TSPAN9: variants seen among roughly 807,000 people sequenced by gnomAD.
TSPAN9 encodes tetraspanin 9.
TSPAN9 carries 16 observed loss-of-function variants against 31.0 expected under a neutral mutation model. The observed-to-expected ratio is 0.52, with a 90% CI of 0.35 to 0.78. The LOEUF (loss-of-function observed/expected upper bound fraction) is 0.78, where lower values mean the gene tolerates loss of function less well. TSPAN9 is among the 30% of genes least tolerant of loss of function. TSPAN9 has a pLI of 0.01. For synonymous variants in TSPAN9, 145 were observed against 121.6 expected (o/e 1.19, Z -1.27); for missense variants, 272 against 312.5 (o/e 0.87, Z 0.98).
intron 3 of TSPAN9, among the ~76,000 whole-genome samples, chr12:3,277,135 C>G (rs1321914724): frequency 6.6e-6 from 1 of 152,210 alleles, no homozygotes. Context: ...ATTCTCACAG[C>G]AGTCCAATAG....
chr12:3,223,837 G>C (rs932330517), intron 3 of TSPAN9, among the ~76,000 whole-genome samples: 1 of 152,192 alleles, frequency 6.6e-6, no homozygotes, highest in Non-Finnish European at 1.5e-5. Context: ...GCCAGGCGTC[G>C]GGATGGCATC....
intron 2 of TSPAN9, among the ~76,000 whole-genome samples, chr12:3,178,448 G>A (rs754872839): frequency 1.3e-5 from 2 of 152,020 alleles, no homozygotes; most frequent in Admixed American, 1.3e-4. Flanking sequence ...GCACTACCAC[G>A]CCTGGCTAAC....
intron 2 of TSPAN9, among the ~76,000 whole-genome samples, chr12:3,163,364 A>G (rs1020812324): frequency 8.5e-5 from 13 of 152,092 alleles, no homozygotes; most frequent in African/African-American, 3.1e-4. Context: ...GGCACTTTCC[A>G]CACTCTACCC....
intron 3 of TSPAN9, among the ~76,000 whole-genome samples, chr12:3,269,786 G>A (rs1332211397): frequency 6.6e-6 from 1 of 152,140 alleles, no homozygotes; most frequent in Non-Finnish European, 1.5e-5. Context: ...GCCCTTTTTC[G>A]CTGCACCCAC....
chr12:3,106,896 A>G (rs935591994), intron 2 of TSPAN9, among the ~76,000 whole-genome samples: 34 of 152,122 alleles, frequency 2.2e-4, no homozygotes, highest in Admixed American at 2.2e-3. Flanking sequence ...TTGAATATGT[A>G]CCATCAGCAA....
In TSPAN9 at chr12:3,188,252, A is replaced by ATTCT. The variant is rs756438009; in HGVS notation, c.-17-12922_-17-12921insTTTC. ...CTCACATTCATTCATTCATTCATTCATTCAAGACATGTGTCCTGCACTCAG... is the reference window on the plus strand; with the variant it reads ...CTCACATTCATTCATTCATTCATTCATTCTTTCAAGACATGTGTCCTGCACTCAG... On this transcript the variant is annotated intron_variant, in intron 2 of 8. Coordinates refer to ENST00000011898, the MANE Select transcript of TSPAN9 (RefSeq NM_006675.5). Among the ~76,000 whole-genome samples the ATTCT allele has an allele frequency of 3.9e-4, 59 of 151,926 alleles. No homozygotes were observed. The East Asian group carries it at 7.9e-3, about 20-fold the overall frequency.
rs1477236462 is a variant in TSPAN9, at chr12:3,107,950, T to A, written c.-18+24231T>A. 6.6e-6 allele frequency among the ~76,000 whole-genome samples: 1 copy of A among 152,164 alleles called. No individual in the cohort carries two copies. Among genetic ancestry groups the A allele is most frequent in the Non-Finnish European group, 1.5e-5 (1 of 68,038 alleles). On this transcript the variant is annotated intron_variant, in intron 2 of 8. Transcript: ENST00000011898. The surrounding 1 kb of genome is among the most constrained non-coding windows in gnomAD (Gnocchi z 4.1). Reference sequence around the variant, plus strand: ...CTATTTATACTTTCAACTCTATTCCTAAACCCAGTAAGAAACTCCCCAAAA... The same window carrying A: ...CTATTTATACTTTCAACTCTATTCCAAAACCCAGTAAGAAACTCCCCAAAA...
At chr12:3,235,604 G>A (rs1219492634) in intron 3 of TSPAN9, among the ~76,000 whole-genome samples, 2 of 152,150 alleles carry the variant, frequency 1.3e-5, no homozygotes, top group South Asian at 2.1e-4. Flanking sequence ...TGACGAATGC[G>A]TGTGTGATTC....
At chr12:3,171,205 T>C (rs1354893906) in intron 2 of TSPAN9, among the ~76,000 whole-genome samples, 1 of 152,180 alleles carries the variant, frequency 6.6e-6, no homozygotes, top group Non-Finnish European at 1.5e-5. Context: ...TTTATTTTTC[T>C]ACGTAGCATA....
In TSPAN9 at chr12:3,121,533, CTTTTTTTTT is replaced by C. The variant is rs59376087; in HGVS notation, c.-18+37831_-18+37839del. Among the ~76,000 whole-genome samples the C allele has an allele frequency of 1.6e-3, 150 of 92,912 alleles. 1 individual carries two copies. In the East Asian group the frequency reaches 0.042, roughly 26 times the overall value. The allele number at this position is 92,912 out of a possible 152,430, so 61.0% of individuals were successfully genotyped here. A position where few individuals can be genotyped will look rare whatever the true frequency, so the allele number is the denominator to read the frequency against. ...TGCCACCATATCTGGCTAATTAAAA[CTTTTTTTTT>C]TTTTTTTTTTTTTTTTGTAGAGACA... On this transcript the variant is annotated intron_variant, in intron 2 of 8. Coordinates refer to ENST00000011898, the MANE Select transcript of TSPAN9 (RefSeq NM_006675.5).
chr12:3,118,297 C>G (rs1399533086), intron 2 of TSPAN9, among the ~76,000 whole-genome samples: 1 of 63,512 alleles, frequency 1.6e-5, no homozygotes, highest in African/African-American at 4.8e-5. Flanking sequence ...GAGTCTTGCT[C>G]TGTTGCCCAG....
chr12:3,088,883 G>A (rs1457061584), intron 2 of TSPAN9, among the ~76,000 whole-genome samples: 1 of 152,222 alleles, frequency 6.6e-6, no homozygotes. Flanking sequence ...TCAGGCGCGG[G>A]AGGCTGGTGG....
chr12:3,226,781 TATATATATATA>T lies in TSPAN9; in HGVS notation c.63+25526_63+25536del, dbSNP rs2098387954. ...ATATATATATATATATATATATATATATATATATATATATTTTTTTTTTTTTTTCCCTCTTC... is the reference window on the plus strand; with the variant it reads ...ATATATATATATATATATATATATATTATTTTTTTTTTTTTTTCCCTCTTC... On this transcript the variant is annotated intron_variant, in intron 3 of 8. Coordinates refer to ENST00000011898, the MANE Select transcript of TSPAN9 (RefSeq NM_006675.5). Among the ~76,000 whole-genome samples the T allele has an allele frequency of 1.5e-4, 2 of 13,524 alleles. 1 individual carries two copies. The highest frequency in any genetic ancestry group is 6.9e-4 in the African/African-American group (2 of 2,904). 8.9% of individuals were successfully genotyped at this position (13,524 alleles called of 152,430 possible). A position where few individuals can be genotyped will look rare whatever the true frequency, so the allele number is the denominator to read the frequency against.
At chr12:3,167,384 A>C (rs2098349066) in intron 2 of TSPAN9, among the ~76,000 whole-genome samples, 1 of 152,228 alleles carries the variant, frequency 6.6e-6, no homozygotes, top group South Asian at 2.1e-4. Context: ...AGACTACGAC[A>C]CATTTTAGGG....
intron 3 of TSPAN9, among the ~76,000 whole-genome samples, chr12:3,259,778 G>A (rs560917881): frequency 6.6e-6 from 1 of 152,356 alleles, no homozygotes; most frequent in East Asian, 1.9e-4. Context: ...GCCAGGTCTT[G>A]TCGGCCGTGG....
At chr12:3,125,402 G>A (rs1307570009) in intron 2 of TSPAN9, among the ~76,000 whole-genome samples, 1 of 152,102 alleles carries the variant, frequency 6.6e-6, no homozygotes, top group Non-Finnish European at 1.5e-5. Context: ...GGGAGATGAG[G>A]CCTCTGCATT....
intron 2 of TSPAN9, among the ~76,000 whole-genome samples, chr12:3,140,596 G>A (rs2098334349): frequency 1.3e-5 from 2 of 152,172 alleles, no homozygotes; most frequent in African/African-American, 2.4e-5. Flanking sequence ...GGGGTGGTGA[G>A]GAGGCGTTTG....
intron 3 of TSPAN9, among the ~76,000 whole-genome samples, chr12:3,237,256 T>A (rs745570865): frequency 1.4e-5 from 2 of 146,478 alleles, no homozygotes; most frequent in Non-Finnish European, 3.0e-5. Context: ...AGCGGCTCTA[T>A]AGGAAGCCCA....
At chr12:3,282,726 C>G (rs1279452874) in intron 8 of TSPAN9, among the ~76,000 whole-genome samples, 1 of 152,184 alleles carries the variant, frequency 6.6e-6, no homozygotes, top group Non-Finnish European at 1.5e-5. Context: ...CCTGTGAGCC[C>G]CCACGTAGAG....
Sources: gnomAD v4.1 joint callset for allele counts (sites outside exome capture counted in the v4.1 genomes callset) on GRCh38, gnomAD v4.1.1 for gene constraint, Gnocchi (gnomAD v3.1) non-coding constraint, MANE v1.5 for transcripts, NCBI Gene and HGNC (gene_info 2026-07-23, HGNC 2026-07-21) for gene names.